The following TNRC6B variants were observed in gnomAD, a reference collection of about 807,000 sequenced individuals.
TNRC6B encodes the protein trinucleotide repeat-containing gene 6B protein.
A neutral mutation model predicts 203.6 loss-of-function variants in TNRC6B; 52 were observed. The ratio of observed to expected loss-of-function variants is 0.26; its 90% CI spans 0.20 to 0.32. The LOEUF is 0.32. Ranked by LOEUF, TNRC6B falls within the 10% of genes least tolerant of loss-of-function variation. The pLI, the probability that TNRC6B is intolerant of heterozygous loss-of-function variation, is 1.00. For missense variants in TNRC6B, 1,923 were observed against 2,286.2 expected (o/e 0.84, Z 3.24); for synonymous variants, 838 against 845.7 (o/e 0.99, Z 0.16).
intron 1 of TNRC6B, among the ~76,000 whole-genome samples, chr22:40,049,894 G>A (rs1455663058): frequency 6.6e-6 from 1 of 152,116 alleles, no homozygotes; most frequent in African/African-American, 2.4e-5. Context: ...ATGAGCCACC[G>A]CGCCCGGCTG....
chr22:40,294,423 T>C (rs912086904), intron 12 of TNRC6B, among the ~76,000 whole-genome samples: 3 of 152,180 alleles, frequency 2.0e-5, no homozygotes, highest in Non-Finnish European at 4.4e-5. Flanking sequence ...AATTTCCCTC[T>C]TCATATGAGG....
At position 40,132,943 on chromosome 22, in the gene TNRC6B, C is replaced by CAAAAATAAAAAATAA. The variant is rs1292227314; in HGVS notation, c.45+7086_45+7087insTAAAAAATAAAAAAA. ...TGGGGGACAGAGCAAGACTCTGTCT[C>CAAAAATAAAAAATAA]AAAAAAAAAAAAAAAAAAAAAAAAA... On this transcript the variant is annotated intron_variant, in intron 3 of 23. Coordinates refer to the TNRC6B transcript ENST00000301923. 9.6e-4 allele frequency among the ~76,000 whole-genome samples: 23 copies of CAAAAATAAAAAATAA among 23,872 alleles called. 2 individuals carry two copies. The highest frequency in any genetic ancestry group is 4.0e-3 in the Admixed American group (5 of 1,264). The allele number at this position is 23,872 out of a possible 152,430, so 15.7% of individuals were successfully genotyped here.
chr22:40,323,417 T>G lies in TNRC6B; in HGVS notation c.*176T>G. ...CTGTCTGAGCACATAGTTGCCTCCC[T>G]TATAACTTCAGTTTTTTCGTTTGGA... On this transcript the variant is annotated 3_prime_UTR_variant, in exon 23 of 23. Transcript: ENST00000454349. The G allele has an allele frequency of 1.4e-6, 1 of 698,004 alleles. No individual in the cohort carries two copies. Among genetic ancestry groups the G allele is most frequent in the East Asian group, 3.1e-5 (1 of 32,638 alleles). The allele number at this position is 698,004 out of a possible 1,614,324, so 43.2% of individuals were successfully genotyped here.
At chr22:40,059,460 G>A (rs1196190480) in intron 1 of TNRC6B, among the ~76,000 whole-genome samples, 1 of 152,178 alleles carries the variant, frequency 6.6e-6, no homozygotes, top group Non-Finnish European at 1.5e-5. Context: ...ATACCTTAAT[G>A]TCCTGGCTAG....
intron 1 of TNRC6B, among the ~76,000 whole-genome samples, chr22:40,103,766 C>G (rs1450843732): frequency 2.7e-5 from 4 of 149,324 alleles, no homozygotes; most frequent in Admixed American, 6.7e-5. Context: ...TCTCAGCCTC[C>G]CGAGTGACTG....
intron 2 of TNRC6B, among the ~76,000 whole-genome samples, chr22:40,121,055 A>G (rs2068440165): frequency 6.6e-6 from 1 of 152,240 alleles, no homozygotes; most frequent in Non-Finnish European, 1.5e-5. Context: ...ATACAAGGCC[A>G]GGAATATGAA....
At chr22:40,087,068 T>G (rs2068107027) in intron 1 of TNRC6B, among the ~76,000 whole-genome samples, 1 of 152,218 alleles carries the variant, frequency 6.6e-6, no homozygotes, top group Non-Finnish European at 1.5e-5. Flanking sequence ...AAATTTTGCT[T>G]TATTATATAT....
chr22:40,316,811 T>C (rs1165310863), intron 21 of TNRC6B, among the ~76,000 whole-genome samples: 1 of 152,172 alleles, frequency 6.6e-6, no homozygotes, highest in Non-Finnish European at 1.5e-5. Flanking sequence ...AAGATGATGA[T>C]AACACATACA....
intron 12 of TNRC6B, among the ~76,000 whole-genome samples, chr22:40,299,197 G>T (rs187378346): frequency 4.0e-5 from 6 of 149,500 alleles, no homozygotes; most frequent in Admixed American, 6.6e-5. Flanking sequence ...GGCAGGCAGA[G>T]CTGGGATTAC....
At chr22:40,156,763 T>G (rs1338105924) in intron 4 of TNRC6B, among the ~76,000 whole-genome samples, 1 of 150,796 alleles carries the variant, frequency 6.6e-6, no homozygotes, top group Non-Finnish European at 1.5e-5. Context: ...TGGTTTTTTT[T>G]TTTTTTTTTT....
chr22:40,107,312 C>CT (rs140037869), intron 1 of TNRC6B, among the ~76,000 whole-genome samples: 6,324 of 152,198 alleles, frequency 0.042, 189 homozygotes, highest in Non-Finnish European at 0.062. Flanking sequence ...TCTTAGCTAA[C>CT]TTATTAGTAC....
At chr22:40,106,237 C>CTTTTTTTT (rs201593383) in intron 1 of TNRC6B, 2 of 156,154 alleles carry the variant, frequency 1.3e-5, no homozygotes, top group Non-Finnish European at 2.4e-5. Context: ...TCGAGGTTGT[C>CTTTTTTTT]TTTTTTTTTT....
At chr22:40,071,507 T>TG (rs1209224006) in intron 1 of TNRC6B, among the ~76,000 whole-genome samples, 5 of 152,262 alleles carry the variant, frequency 3.3e-5, no homozygotes, top group Non-Finnish European at 5.9e-5. Context: ...GTGTGTCATT[T>TG]GGACTTTGGT....
At chr22:40,067,522 C>T (rs1041772379) in intron 1 of TNRC6B, among the ~76,000 whole-genome samples, 4 of 152,072 alleles carry the variant, frequency 2.6e-5, no homozygotes, top group African/African-American at 4.8e-5. Context: ...GTCTGCAAGT[C>T]GGAGAACCAG....
At chr22:40,054,132 G>C (rs1401001905) in intron 1 of TNRC6B, among the ~76,000 whole-genome samples, 1 of 152,202 alleles carries the variant, frequency 6.6e-6, no homozygotes, top group Non-Finnish European at 1.5e-5. Flanking sequence ...TGGGAGGCTA[G>C]CTTGAGCCTG....
intron 4 of TNRC6B, among the ~76,000 whole-genome samples, chr22:40,156,559 A>C (rs903049670): frequency 6.6e-6 from 1 of 152,132 alleles, no homozygotes; most frequent in Admixed American, 6.5e-5. Context: ...ATTTCCCTGC[A>C]ATCTAAGTGT....
chr22:40,267,089 C>T (rs2070493023), intron 5 of TNRC6B, 53 bp downstream of exon 5: 1 of 1,449,382 alleles, frequency 6.9e-7, no homozygotes, highest in African/African-American at 1.4e-5. Context: ...AATCCTAGAC[C>T]AAGGCATTTT....
intron 1 of TNRC6B, among the ~76,000 whole-genome samples, chr22:40,063,278 A>G (rs1261033999): frequency 6.6e-6 from 1 of 152,196 alleles, no homozygotes; most frequent in Non-Finnish European, 1.5e-5. Flanking sequence ...CCATTGATCT[A>G]TATGTCTGTC....
rs1170747907 is a variant in TNRC6B, at chr22:40,331,075, T to G, written c.*7834T>G. 6.6e-6 allele frequency: 1 copy of G among 152,658 alleles called. No homozygotes were observed. Among genetic ancestry groups the G allele is most frequent in the Non-Finnish European group, 1.5e-5 (1 of 68,046 alleles). 9.5% of individuals were successfully genotyped at this position (152,658 alleles called of 1,614,324 possible). A position where few individuals can be genotyped will look rare whatever the true frequency, so the allele number is the denominator to read the frequency against. On this transcript the variant is annotated 3_prime_UTR_variant, in exon 23 of 23. Transcript: ENST00000454349. ...CTGTAAGCACTGGAGAATTGGAATATGGTGATACTTGTGACACATTCATGC... is the reference window on the plus strand; with the variant it reads ...CTGTAAGCACTGGAGAATTGGAATAGGGTGATACTTGTGACACATTCATGC...
Sources: gnomAD v4.1 joint callset for allele counts (sites outside exome capture counted in the v4.1 genomes callset) on GRCh38, gnomAD v4.1.1 for gene constraint, MANE v1.5 for transcripts, NCBI Gene and HGNC (gene_info 2026-07-23, HGNC 2026-07-21) for gene names.